COL11A1: variants seen among roughly 807,000 people sequenced by gnomAD.
COL11A1 encodes collagen type XI alpha 1 chain.
In COL11A1, 74 loss-of-function variants were observed where a neutral mutation model predicts 265.2. That is an observed-to-expected ratio of 0.28 (90% CI 0.23 to 0.34). The LOEUF is 0.34. COL11A1 is among the 10% of genes least tolerant of loss of function. The pLI is 1.00. For synonymous variants in COL11A1, 816 were observed against 727.6 expected (o/e 1.12, Z -1.96); for missense variants, 2,165 against 2,263.6 (o/e 0.96, Z 0.88).
intron 46 of COL11A1, among the ~76,000 whole-genome samples, chr1:102,924,348 C>CT (rs1346562611): frequency 6.6e-6 from 1 of 152,228 alleles, no homozygotes; most frequent in Non-Finnish European, 1.5e-5. Context: ...TTTCATCTGT[C>CT]TATGTCTTCA....
At chr1:102,966,640 C>T (rs191039022) in intron 37 of COL11A1, among the ~76,000 whole-genome samples, 5 of 152,208 alleles carry the variant, frequency 3.3e-5, no homozygotes, top group Admixed American at 3.3e-4. Flanking sequence ...ATTTTATAAG[C>T]ATATTAGTCG....
At chr1:103,046,469 A>G (rs1416188418) in intron 4 of COL11A1, among the ~76,000 whole-genome samples, 4 of 150,862 alleles carry the variant, frequency 2.7e-5, no homozygotes, top group Non-Finnish European at 5.9e-5. Context: ...TTTTTCTTGT[A>G]AATTTGTTTG....
Position 102,877,891 on chromosome 1 carries a change from T to C in COL11A1, c.*128A>G. Reference sequence around the variant, plus strand: ...CCCCCACAAAGGCATCGGTATTTCCTAAATGGTACCTGTATATGCAGCGTT... The same window carrying C: ...CCCCCACAAAGGCATCGGTATTTCCCAAATGGTACCTGTATATGCAGCGTT... On this transcript the variant is annotated 3_prime_UTR_variant, in exon 67 of 67. Coordinates refer to ENST00000370096, the MANE Select transcript of COL11A1 (RefSeq NM_001854.4). 3.3e-6 allele frequency: 3 copies of C among 905,322 alleles called. No individual in the cohort carries two copies. The South Asian group carries it at 4.2e-5, about 13-fold the overall frequency. The allele number at this position is 905,322 out of a possible 1,614,324, so 56.1% of individuals were successfully genotyped here.
intron 44 of COL11A1, among the ~76,000 whole-genome samples, chr1:102,935,385 C>T (rs1358711084): frequency 6.6e-6 from 1 of 152,138 alleles, no homozygotes; most frequent in Non-Finnish European, 1.5e-5. Context: ...GATTTCTATG[C>T]TATCAGACAT....
In COL11A1 at chr1:103,108,093, T is replaced by C; in HGVS notation, c.86A>G (p.Gln29Arg). The C allele has an allele frequency of 6.2e-7, 1 of 1,613,718 alleles. No homozygotes were observed. The highest frequency in any genetic ancestry group is 2.2e-5 in the East Asian group (1 of 44,800). The change falls in exon 1 of 67, where the codon CAA (glutamine) becomes CGA (arginine). Residue 29 changes from glutamine (Q) to arginine (R), a missense_variant. Gln to Arg is a conservative substitution (Grantham distance 43, BLOSUM62 1). Coordinates refer to ENST00000370096, the MANE Select transcript of COL11A1 (RefSeq NM_001854.4). The part of the protein sequence containing the change: ...VTTLALTFLF[Q>R]AREVRGAAPV... ...CTTACCTCCTCTGACCTCTCTAGCT[T>C]GGAAGAGGAAGGTCAATGCGAGGGT... is the stretch of plus-strand genomic sequence containing the variant.
intron 44 of COL11A1, among the ~76,000 whole-genome samples, chr1:102,938,058 GC>G (rs1206546171): frequency 6.6e-6 from 1 of 152,090 alleles, no homozygotes. Flanking sequence ...ATTACTACAA[GC>G]TTTTTCTCTT....
intron 58 of COL11A1, 108 bp from the exon 59 acceptor site, chr1:102,889,670 T>C (rs1651498485): frequency 2.5e-6 from 2 of 813,412 alleles, no homozygotes; most frequent in East Asian, 2.7e-5. Flanking sequence ...AAATGAACAA[T>C]GCTGATAAAA....
At chr1:103,098,314 T>A (rs1673954328) in intron 1 of COL11A1, among the ~76,000 whole-genome samples, 1 of 151,958 alleles carries the variant, frequency 6.6e-6, no homozygotes, top group African/African-American at 2.4e-5. Context: ...AGCCTTTCAC[T>A]CGACTTCCAG....
chr1:102,971,114 C>T (rs183479356), intron 36 of COL11A1, among the ~76,000 whole-genome samples: 59 of 151,942 alleles, frequency 3.9e-4, no homozygotes, highest in African/African-American at 1.3e-3. Context: ...GGAAACAATA[C>T]GTTATACTCA....
At position 102,951,596 on chromosome 1, in the gene COL11A1, T is replaced by G. The variant is rs540502795; in HGVS notation, c.3169-4640A>C. Among the ~76,000 whole-genome samples the G allele has an allele frequency of 6.5e-4, 99 of 151,552 alleles. 1 individual carries two copies. In the Middle Eastern group the frequency reaches 0.01, roughly 16 times the overall value. On this transcript the variant is annotated intron_variant, in intron 41 of 66. Transcript: ENST00000370096. Reference sequence around the variant, plus strand: ...CTAAAAACACAAAAAATTAGCCGGGTGTGGTGGCAGGTGGTAGGTGATAGT... The same window carrying G: ...CTAAAAACACAAAAAATTAGCCGGGGGTGGTGGCAGGTGGTAGGTGATAGT...
At chr1:103,030,132 G>T (rs1020158099) in intron 5 of COL11A1, among the ~76,000 whole-genome samples, 7 of 152,000 alleles carry the variant, frequency 4.6e-5, no homozygotes, top group Non-Finnish European at 8.8e-5. Context: ...AGAATAAAAA[G>T]AATGAAGTAC....
At chr1:103,029,381 A>G (rs1479105901) in intron 5 of COL11A1, among the ~76,000 whole-genome samples, 4 of 151,968 alleles carry the variant, frequency 2.6e-5, no homozygotes, top group East Asian at 3.9e-4. Flanking sequence ...CTGAAGATGA[A>G]TTATTTATAT....
chr1:102,991,971 C>T (rs954795150), intron 28 of COL11A1, among the ~76,000 whole-genome samples: 1 of 151,870 alleles, frequency 6.6e-6, no homozygotes, highest in African/African-American at 2.4e-5. Context: ...TTGACAACGT[C>T]TTCATTACCT....
intron 7 of COL11A1, among the ~76,000 whole-genome samples, chr1:103,024,741 TTG>T (rs971737739): frequency 6.6e-6 from 1 of 152,164 alleles, no homozygotes; most frequent in African/African-American, 2.4e-5. Flanking sequence ...ATTCACAATT[TTG>T]TGTTTTCACA....
At chr1:102,917,755 A>G (rs1265646718) in intron 49 of COL11A1, among the ~76,000 whole-genome samples, 1 of 151,910 alleles carries the variant, frequency 6.6e-6, no homozygotes, top group Non-Finnish European at 1.5e-5. Context: ...ATAGGTTTAA[A>G]TAATCTTAGA....
At chr1:102,981,240 G>GA (rs1009477659) in intron 31 of COL11A1, among the ~76,000 whole-genome samples, 6 of 151,922 alleles carry the variant, frequency 3.9e-5, no homozygotes, top group Non-Finnish European at 1.5e-5. Context: ...ACGTACTGGG[G>GA]AAAAAAATCT....
At chr1:103,004,357 G>T in intron 20 of COL11A1, 87 bp downstream of exon 20, 3 of 989,858 alleles carry the variant, frequency 3.0e-6, no homozygotes, top group East Asian at 2.5e-5. Context: ...GTTTACCTGG[G>T]TTTATCATTG....
intron 4 of COL11A1, among the ~76,000 whole-genome samples, chr1:103,063,890 C>T (rs1670866688): frequency 6.6e-6 from 1 of 152,040 alleles, no homozygotes; most frequent in Non-Finnish European, 1.5e-5. Context: ...CTTAAAAATG[C>T]ACAAATATGT....
chr1:102,960,374 T>G (rs1381927), intron 41 of COL11A1, among the ~76,000 whole-genome samples: 152,043 of 152,178 alleles, frequency 1, 75,956 homozygotes, highest in Non-Finnish European at 1. Flanking sequence ...GCACCGTATT[T>G]TGAGTAACCA....
Sources: allele counts gnomAD v4.1 joint callset (sites outside exome capture counted in the v4.1 genomes callset), GRCh38; gene constraint gnomAD v4.1.1; transcripts MANE v1.5; gene names NCBI Gene and HGNC (gene_info 2026-07-23, HGNC 2026-07-21).